UTRN: variants seen among roughly 807,000 people sequenced by gnomAD.
The protein encoded by UTRN is utrophin.
Under a neutral mutation model 463.9 loss-of-function variants are expected in UTRN, and 283 were observed. The observed-to-expected ratio is 0.61, with a 90% CI of 0.55 to 0.67. UTRN has a LOEUF of 0.67. UTRN is among the 30% of genes least tolerant of loss of function. The probability of loss-of-function intolerance (pLI) is 0.00; values close to 1 mark genes in which losing one functional copy is unlikely to be tolerated. For missense variants in UTRN, 3,922 were observed against 4,084.3 expected (o/e 0.96, Z 1.08); for synonymous variants, 1,442 against 1,431.5 (o/e 1.01, Z -0.17).
intron 62 of UTRN, among the ~76,000 whole-genome samples, chr6:144,791,351 T>C (rs9497082): frequency 0.018 from 2,772 of 152,236 alleles, 81 homozygotes; most frequent in African/African-American, 0.063. Flanking sequence ...ATTCCTTGTT[T>C]AGTTTCTAAC....
In UTRN at chr6:144,530,285, C is replaced by T. The variant is rs370588717; in HGVS notation, c.5907-767C>T. 2.6e-4 allele frequency among the ~76,000 whole-genome samples: 40 copies of T among 152,302 alleles called. 1 individual carries two copies. The highest frequency in any genetic ancestry group is 9.4e-4 in the African/African-American group (39 of 41,560). ...GATGGCCACCTTCTTGCTGTGTCCT[C>T]ACATGAGAGAGCTCTGTGGTGACTC... On this transcript the variant is annotated intron_variant, in intron 41 of 74. Transcript: ENST00000367545.
chr6:144,293,652 A>G (rs904927559), intron 2 of UTRN, among the ~76,000 whole-genome samples: 1 of 152,178 alleles, frequency 6.6e-6, no homozygotes, highest in Non-Finnish European at 1.5e-5. Flanking sequence ...GGAATTGGTT[A>G]GATCATTATT....
intron 2 of UTRN, among the ~76,000 whole-genome samples, chr6:144,313,215 T>G (rs1323558785): frequency 6.6e-6 from 1 of 152,114 alleles, no homozygotes; most frequent in African/African-American, 2.4e-5. Flanking sequence ...GCCCTCAGGT[T>G]GCATTCCTGA....
At chr6:144,551,143 A>ACG in intron 48 of UTRN, 61 bp downstream of exon 48, 1 of 741,982 alleles carries the variant, frequency 1.3e-6, no homozygotes, top group Non-Finnish European at 2.1e-6. Flanking sequence ...GGTGACACAC[A>ACG]CACACACACA....
intron 52 of UTRN, among the ~76,000 whole-genome samples, chr6:144,692,035 C>T (rs936860800): frequency 1.3e-5 from 2 of 152,164 alleles, no homozygotes; most frequent in Admixed American, 1.3e-4. Flanking sequence ...GATCCTCTCC[C>T]TCCTCCCATC....
chr6:144,476,200 T>G (rs1436544106), intron 25 of UTRN, among the ~76,000 whole-genome samples: 1 of 150,860 alleles, frequency 6.6e-6, no homozygotes, highest in Non-Finnish European at 1.5e-5. Context: ...GCAATCCTCC[T>G]GCCTCAGCCT....
intron 54 of UTRN, among the ~76,000 whole-genome samples, chr6:144,732,229 T>TAC (rs1562832152): frequency 7.9e-4 from 36 of 45,502 alleles, no homozygotes; most frequent in African/African-American, 2.9e-3. Context: ...TATATATATA[T>TAC]ATATATATAC....
intron 54 of UTRN, among the ~76,000 whole-genome samples, chr6:144,732,648 T>TTTATGTTATGTTATG (rs1788834014): frequency 6.9e-6 from 1 of 145,754 alleles, no homozygotes; most frequent in Non-Finnish European, 1.5e-5. Context: ...ATTGTTTCAT[T>TTTATGTTATGTTATG]TTATGTCATG....
Position 144,459,064 on chromosome 6 carries a change from T to C in UTRN, c.2526+53T>C, listed in dbSNP as rs148967366. On this transcript the variant is annotated intron_variant, in intron 20 of 74. Coordinates refer to ENST00000367545, the MANE Select transcript of UTRN (RefSeq NM_007124.3). ...AGGAATTCTATGTGCAGTTCCAGAG[T>C]TAAGGAGGGCTTCTCGTATCATGAA... is the stretch of plus-strand genomic sequence containing the variant. 434 of 1,566,826 alleles carry C rather than the reference T, an allele frequency of 2.8e-4. 1 individual carries two copies. The highest frequency in any genetic ancestry group is 2.3e-3 in the African/African-American group (167 of 73,416).
chr6:144,638,106 T>C (rs1777374491), intron 51 of UTRN, among the ~76,000 whole-genome samples: 1 of 152,228 alleles, frequency 6.6e-6, no homozygotes, highest in Non-Finnish European at 1.5e-5. Flanking sequence ...TGTTAGTTAG[T>C]TCTGAAATAC....
chr6:144,575,950 A>G (rs1386452982), intron 50 of UTRN, among the ~76,000 whole-genome samples: 1 of 152,054 alleles, frequency 6.6e-6, no homozygotes, highest in East Asian at 1.9e-4. Flanking sequence ...CACCTAATCT[A>G]CTTTCTCTAT....
intron 2 of UTRN, among the ~76,000 whole-genome samples, chr6:144,348,798 G>C (rs1777828799): frequency 6.6e-6 from 1 of 152,246 alleles, no homozygotes; most frequent in Non-Finnish European, 1.5e-5. Context: ...GCCGGGCCTA[G>C]TGGCGCATGC....
intron 43 of UTRN, among the ~76,000 whole-genome samples, chr6:144,534,608 T>A (rs909741348): frequency 6.6e-6 from 1 of 152,244 alleles, no homozygotes; most frequent in African/African-American, 2.4e-5. Flanking sequence ...ATCTTAGAAC[T>A]TATTCTCTAA....
intron 23 of UTRN, among the ~76,000 whole-genome samples, chr6:144,470,610 C>T (rs1020750155): frequency 8.3e-4 from 126 of 152,106 alleles, no homozygotes; most frequent in African/African-American, 2.8e-3. Flanking sequence ...ACGCTCCTCA[C>T]TTCTTAGACG....
chr6:144,625,874 T>C (rs545031376), intron 51 of UTRN, among the ~76,000 whole-genome samples: 5 of 152,306 alleles, frequency 3.3e-5, no homozygotes, highest in African/African-American at 1.2e-4. Context: ...TGTTTAATTG[T>C]TTTGAAAACA....
chr6:144,462,058 A>T (rs1789473543), intron 22 of UTRN, among the ~76,000 whole-genome samples: 1 of 151,582 alleles, frequency 6.6e-6, no homozygotes, highest in Non-Finnish European at 1.5e-5. Context: ...TTTCCCTCCC[A>T]CCATGCCCCA....
intron 63 of UTRN, among the ~76,000 whole-genome samples, chr6:144,796,774 C>T (rs3924754): frequency 0.036 from 5,414 of 152,204 alleles, 141 homozygotes; most frequent in South Asian, 0.074. Flanking sequence ...AGGCTCACAC[C>T]GTGTCTTTGA....
chr6:144,495,642 C>A (rs1031204000), intron 33 of UTRN, among the ~76,000 whole-genome samples: 2 of 152,204 alleles, frequency 1.3e-5, no homozygotes, highest in African/African-American at 4.8e-5. Context: ...AGTGGGAGCC[C>A]AGGCAGAGGA....
At chr6:144,846,530 G>A (rs992631133) in intron 73 of UTRN, among the ~76,000 whole-genome samples, 1 of 152,060 alleles carries the variant, frequency 6.6e-6, no homozygotes, top group African/African-American at 2.4e-5. Flanking sequence ...GAGATTTTTT[G>A]CAAGACTAAG....
Sources: allele counts gnomAD v4.1 joint callset (sites outside exome capture counted in the v4.1 genomes callset), GRCh38; gene constraint gnomAD v4.1.1; transcripts MANE v1.5; gene names NCBI Gene and HGNC (gene_info 2026-07-23, HGNC 2026-07-21).